Variants in SEC23B observed in about 807,000 individuals in gnomAD.
SEC23B encodes the protein protein transport protein Sec23B.
In SEC23B, 77 loss-of-function variants were observed where a neutral mutation model predicts 104.3. The ratio of observed to expected loss-of-function variants is 0.74; its 90% CI spans 0.61 to 0.89. The LOEUF is 0.89. SEC23B is among the 40% of genes least tolerant of loss of function. SEC23B has a pLI of 0.00. For synonymous variants in SEC23B, 338 were observed against 332.5 expected, an observed-to-expected ratio of 1.02 and a Z score of -0.18; for missense variants, 885 against 949.4, an observed-to-expected ratio of 0.93 and a Z score of 0.89.
chr20:18,549,510 G>A (rs2060366087), intron 16 of SEC23B, among the ~76,000 whole-genome samples: 2 of 151,616 alleles, frequency 1.3e-5, no homozygotes, highest in Admixed American at 1.3e-4. Flanking sequence ...GGAACCCACC[G>A]ATACGGAGGG....
intron 11 of SEC23B, 82 bp from the exon 12 acceptor site, chr20:18,535,571 C>A: frequency 9.7e-7 from 1 of 1,031,518 alleles, no homozygotes; most frequent in Non-Finnish European, 1.5e-6. Context: ...GCCTGCCCTA[C>A]TCAGTCAGTA....
chr20:18,556,813 C>A (rs780355968), intron 19 of SEC23B, among the ~76,000 whole-genome samples: 1 of 152,084 alleles, frequency 6.6e-6, no homozygotes, highest in Non-Finnish European at 1.5e-5. Flanking sequence ...CTAGCCAACA[C>A]GGTGAAACCC....
At position 18,548,779 on chromosome 20, in the gene SEC23B, C is replaced by A; in HGVS notation, c.1905+9C>A. On this transcript the variant is annotated intron_variant, in intron 16 of 19. Transcript: ENST00000650089. Reference sequence around the variant, plus strand: ...TTCATGGGCCACCAGAGGTGAGGCTCTACCCAAATGCTTTCCTGAGGATTG... The same window carrying A: ...TTCATGGGCCACCAGAGGTGAGGCTATACCCAAATGCTTTCCTGAGGATTG... 2 of 1,613,630 alleles carry A rather than the reference C, an allele frequency of 1.2e-6. No individual in the cohort carries two copies. Among genetic ancestry groups the A allele is most frequent in the Middle Eastern group, 1.6e-4 (1 of 6,062 alleles).
In SEC23B at chr20:18,526,523, G is replaced by C. The variant is rs143417821; in HGVS notation, c.985G>C (p.Ala329Pro). The change falls in exon 8 of 20, where the codon GCA (alanine) becomes CCA (proline). Residue 329 changes from alanine to proline, a missense_variant. Physicochemically the swap from Ala to Pro is conservative, Grantham distance 27 (BLOSUM62 -1). Transcript: ENST00000650089. Reference protein sequence around the residue: ...EKDNARFMKKATKHYEMLANR... With the variant: ...EKDNARFMKKPTKHYEMLANR... ...AGATAATGCACGATTCATGAAAAAG[G>C]CAACCAAGGTAGGTGCTCTTGGGTA... The C allele has an allele frequency of 9.5e-5, 154 of 1,614,032 alleles. 1 individual carries two copies. The highest frequency in any genetic ancestry group is 3.3e-4 in the Middle Eastern group (2 of 6,084).
intron 19 of SEC23B, among the ~76,000 whole-genome samples, chr20:18,560,276 A>G (rs1345612188): frequency 1.3e-5 from 2 of 152,158 alleles, no homozygotes; most frequent in Non-Finnish European, 2.9e-5. Context: ...TGGGTACACC[A>G]TTATCCAGCT....
At position 18,551,141 on chromosome 20, in the gene SEC23B, A is replaced by G. The variant is rs1266818097; in HGVS notation, c.1958A>G (p.Asp653Gly). 1.9e-6 allele frequency: 3 copies of G among 1,601,780 alleles called. No homozygotes were observed. The highest frequency in any genetic ancestry group is 1.1e-5 in the South Asian group (1 of 90,926). ...SILADRILLM[D>G]TFFQIVIYLG... The stretch of plus-strand genomic sequence containing the variant: ...CTAGCTGACAGAATTTTGCTGATGG[A>G]TACTTTCTTTCAAATTGTCATTTAT... Residue 653 changes from aspartate (D) to glycine (G), a missense_variant, in exon 17 of 20, where the codon GAT (aspartate) becomes GGT (glycine). Asp to Gly is a moderately conservative substitution (Grantham distance 94). Transcript: ENST00000650089.
At position 18,526,556 on chromosome 20, in the gene SEC23B, T is replaced by A. The variant is rs771460018; in HGVS notation, c.993+25T>A. ...GGTAGGTGCTCTTGGGTATGGGCTG[T>A]AATTCTGAAAGCCCATTGTCAGGTT... On this transcript the variant is annotated intron_variant, in intron 8 of 19. Transcript: ENST00000650089. 5 of 1,613,756 alleles carry A rather than the reference T, an allele frequency of 3.1e-6. No individual in the cohort carries two copies. The South Asian group carries it at 5.5e-5, about 18-fold the overall frequency.
At position 18,538,249 on chromosome 20, in the gene SEC23B, C is replaced by CTTT. The variant is rs34866001; in HGVS notation, c.1404+2523_1404+2525dup. On this transcript the variant is annotated intron_variant, in intron 12 of 19. Coordinates refer to ENST00000650089, the MANE Select transcript of SEC23B (RefSeq NM_006363.6). ...GCTACCACGCCCCACCTGGGAATTTCTTTTTTTTTTTTTTTTTTGAGACGG... is the reference window on the plus strand; with the variant it reads ...GCTACCACGCCCCACCTGGGAATTTCTTTTTTTTTTTTTTTTTTTTTGAGACGG... Among the ~76,000 whole-genome samples, 478 of 114,612 alleles carry CTTT rather than the reference C, an allele frequency of 4.2e-3. 6 individuals are homozygous for CTTT. Among genetic ancestry groups the CTTT allele is most frequent in the Non-Finnish European group, 5.1e-3 (276 of 54,030 alleles). 75.2% of individuals were successfully genotyped at this position (114,612 alleles called of 152,430 possible).
intron 4 of SEC23B, among the ~76,000 whole-genome samples, chr20:18,521,306 G>C (rs929121768): frequency 3.0e-4 from 46 of 152,260 alleles, no homozygotes; most frequent in African/African-American, 1.1e-3. Flanking sequence ...CTAATGTCAG[G>C]AGTGGATTGG....
intron 4 of SEC23B, among the ~76,000 whole-genome samples, chr20:18,521,809 G>C (rs1268415964): frequency 6.6e-6 from 1 of 152,190 alleles, no homozygotes; most frequent in East Asian, 1.9e-4. Context: ...GATTTGGGAC[G>C]AGTCGCATTG....
chr20:18,519,287 G>A (rs6075353), intron 4 of SEC23B, among the ~76,000 whole-genome samples: 6,491 of 152,270 alleles, frequency 0.043, 213 homozygotes, highest in Middle Eastern at 0.099. Flanking sequence ...TGCGGGCCAG[G>A]AACAATGGTA....
intron 1 of SEC23B, among the ~76,000 whole-genome samples, chr20:18,510,486 C>T (rs1318641033): frequency 1.3e-5 from 2 of 152,144 alleles, no homozygotes; most frequent in African/African-American, 2.4e-5. Context: ...TTAGTTGGGC[C>T]GGGTACAGTG....
At chr20:18,539,049 CAAA>C (rs367686822) in intron 12 of SEC23B, among the ~76,000 whole-genome samples, 2 of 136,702 alleles carry the variant, frequency 1.5e-5, no homozygotes, top group South Asian at 2.3e-4. Context: ...ACTAAAAATA[CAAA>C]AAAAAAAAAA....
intron 14 of SEC23B, among the ~76,000 whole-genome samples, chr20:18,545,122 G>T (rs928250654): frequency 6.6e-6 from 1 of 152,176 alleles, no homozygotes; most frequent in Non-Finnish European, 1.5e-5. Context: ...CAGGCTATAG[G>T]TCAGCACTGG....
Position 18,524,986 on chromosome 20 carries a change from G to A in SEC23B, c.655G>A (p.Ala219Thr). 2 of 1,613,982 alleles carry A rather than the reference G, an allele frequency of 1.2e-6. No individual in the cohort carries two copies. Among genetic ancestry groups the A allele is most frequent in the Non-Finnish European group, 1.7e-6 (2 of 1,179,988 alleles). Reference protein sequence around the residue: ...PAMPMQQARPAQPQEHPFASS... With the variant: ...PAMPMQQARPTQPQEHPFASS... ...CATGCCCATGCAGCAAGCACGACCT[G>A]CACAACCACAGGAGCACCCTTTTGC... The change falls in exon 6 of 20, where the codon GCA (alanine) becomes ACA (threonine). Residue 219 changes from alanine (A) to threonine (T), a missense_variant. Ala to Thr is a moderately conservative substitution (Grantham distance 58). Transcript: ENST00000650089.
At chr20:18,552,699 A>G (rs1366231810) in intron 17 of SEC23B, among the ~76,000 whole-genome samples, 1 of 152,104 alleles carries the variant, frequency 6.6e-6, no homozygotes, top group Non-Finnish European at 1.5e-5. Flanking sequence ...CTGTAATCCC[A>G]GCTGCTCGGG....
intron 17 of SEC23B, among the ~76,000 whole-genome samples, chr20:18,553,657 C>T (rs189530665): frequency 2.6e-5 from 4 of 152,298 alleles, no homozygotes; most frequent in African/African-American, 9.6e-5. Context: ...TATGGCTTCT[C>T]CTCACTGCCT....
At chr20:18,509,393 G>C (rs1179843676) in intron 1 of SEC23B, among the ~76,000 whole-genome samples, 1 of 152,172 alleles carries the variant, frequency 6.6e-6, no homozygotes. Flanking sequence ...AAGTGGGCGC[G>C]AGAGGCCACT....
Position 18,542,357 on chromosome 20 carries a change from A to C in SEC23B, c.1466A>C (p.His489Pro). 6.2e-7 allele frequency: 1 copy of C among 1,614,184 alleles called. No individual in the cohort carries two copies. Among genetic ancestry groups the C allele is most frequent in the Non-Finnish European group, 8.5e-7 (1 of 1,180,036 alleles). ...GAIQFVTHYQ[H>P]SSTQRRIRVT... ...ATCCAGTTTGTCACGCATTATCAGC[A>C]CTCCAGCACCCAGAGACGCATCCGC... Residue 489 changes from histidine to proline, a missense_variant, in exon 13 of 20, where the codon CAC becomes CCC. By Grantham distance (77) the His-to-Pro change is moderately conservative. Coordinates refer to ENST00000650089, the MANE Select transcript of SEC23B (RefSeq NM_006363.6).
Sources: gnomAD v4.1 joint callset for allele counts (sites outside exome capture counted in the v4.1 genomes callset) on GRCh38, gnomAD v4.1.1 for gene constraint, MANE v1.5 for transcripts, NCBI Gene and HGNC (gene_info 2026-07-23, HGNC 2026-07-21) for gene names.